CMTM7: variants seen among roughly 807,000 people sequenced by gnomAD.
CMTM7 encodes the protein CKLF-like MARVEL transmembrane domain-containing protein 7.
A neutral mutation model predicts 19.3 loss-of-function variants in CMTM7; 7 were observed. The observed-to-expected ratio is 0.36, with a 90% CI of 0.21 to 0.68. The LOEUF (loss-of-function observed/expected upper bound fraction) is 0.68, where lower values mean the gene tolerates loss of function less well. Among genes scored for constraint, CMTM7 ranks in the 30% least tolerant of loss-of-function variants. The pLI, the probability that CMTM7 is intolerant of heterozygous loss-of-function variation, is 0.60. For synonymous variants in CMTM7, 87 were observed against 99.3 expected, an observed-to-expected ratio of 0.88 and a Z score of 0.74; for missense variants, 193 against 232.6, an observed-to-expected ratio of 0.83 and a Z score of 1.11.
chr3:32,450,648 C>A (rs923631336), intron 3 of CMTM7, among the ~76,000 whole-genome samples: 1 of 152,172 alleles, frequency 6.6e-6, no homozygotes, highest in Non-Finnish European at 1.5e-5. Flanking sequence ...TCTCTGCCCC[C>A]TCTCTCTGCT....
rs145953461 is a variant in CMTM7, at chr3:32,416,769, G to A, written c.159+24704G>A. Among the ~76,000 whole-genome samples, 475 of 151,946 alleles carry A rather than the reference G, an allele frequency of 3.1e-3. 5 individuals carry two copies. The highest frequency in any genetic ancestry group is 0.011 in the African/African-American group (461 of 41,382). On this transcript the variant is annotated intron_variant, in intron 1 of 4. Transcript: ENST00000334983. ...GGTGTAGATGAACTGTGAGTGTTGG[G>A]GGCTGTGGTATTGCTTTAAGGTTTT... is the stretch of plus-strand genomic sequence containing the variant.
intron 1 of CMTM7, 99 bp downstream of exon 1, chr3:32,392,164 C>T (rs906010382): frequency 1.7e-5 from 16 of 936,588 alleles, no homozygotes; most frequent in Non-Finnish European, 2.2e-5. Context: ...CCGGCCGGAG[C>T]CCAGGGAGCA....
At chr3:32,407,796 G>T (rs1358260652) in intron 1 of CMTM7, among the ~76,000 whole-genome samples, 1 of 152,188 alleles carries the variant, frequency 6.6e-6, no homozygotes, top group Admixed American at 6.5e-5. Flanking sequence ...AGTCTACGAG[G>T]TTTGTGATGA....
rs553308992 is a variant in CMTM7, at chr3:32,454,457, C to T, written c.*203C>T. On this transcript the variant is annotated 3_prime_UTR_variant, in exon 5 of 5. Transcript: ENST00000334983. The stretch of plus-strand genomic sequence containing the variant: ...GCCGGAAACTCTTCCTCCAGCCTTC[C>T]GGGGAGAACATCCCTCCCATTCTGG... 20 of 713,150 alleles carry T rather than the reference C, an allele frequency of 2.8e-5. No homozygotes were observed. The highest frequency in any genetic ancestry group is 5.4e-5 in the East Asian group (2 of 37,198). 44.2% of individuals were successfully genotyped at this position (713,150 alleles called of 1,614,324 possible). A position where few individuals can be genotyped will look rare whatever the true frequency, so the allele number is the denominator to read the frequency against.
intron 1 of CMTM7, among the ~76,000 whole-genome samples, chr3:32,434,513 C>T (rs1696567059): frequency 6.6e-6 from 1 of 151,728 alleles, no homozygotes; most frequent in Non-Finnish European, 1.5e-5. Context: ...CTATGTTGCC[C>T]AGGCTGGTCT....
rs1171347129 is a variant in CMTM7 at position 32,455,495 on chromosome 3, C to G, written c.*1241C>G. The G allele has an allele frequency of 6.6e-6, 1 of 152,410 alleles. No homozygotes were observed. Among genetic ancestry groups the G allele is most frequent in the Non-Finnish European group, 1.5e-5 (1 of 68,228 alleles). The allele number at this position is 152,410 out of a possible 1,614,324, so 9.4% of individuals were successfully genotyped here. A position where few individuals can be genotyped will look rare whatever the true frequency, so the allele number is the denominator to read the frequency against. On this transcript the variant is annotated 3_prime_UTR_variant, in exon 5 of 5. Coordinates refer to ENST00000334983, the MANE Select transcript of CMTM7 (RefSeq NM_138410.4). ...GGCTACTCTTGTGGCTGCTGGCCAG[C>G]TCGGGGCATCGGGTTCTGTCTGGGA...
intron 1 of CMTM7, among the ~76,000 whole-genome samples, chr3:32,408,147 G>C (rs1696116106): frequency 6.6e-6 from 1 of 152,216 alleles, no homozygotes. Flanking sequence ...CTCTCCCAGA[G>C]TCTCCGGAGG....
At chr3:32,415,700 C>T (rs1274780707) in intron 1 of CMTM7, among the ~76,000 whole-genome samples, 1 of 152,208 alleles carries the variant, frequency 6.6e-6, no homozygotes, top group East Asian at 1.9e-4. Flanking sequence ...TTATTACCTC[C>T]TTTCAGTAGT....
At chr3:32,416,634 A>C (rs9823298) in intron 1 of CMTM7, among the ~76,000 whole-genome samples, 62,954 of 150,600 alleles carry the variant, frequency 0.42, 13,405 homozygotes, top group South Asian at 0.48. Context: ...TCATGATCCA[A>C]CCGCCTCGGC....
intron 2 of CMTM7, among the ~76,000 whole-genome samples, chr3:32,447,512 T>TGAA (rs1696769227): frequency 6.6e-6 from 1 of 152,246 alleles, no homozygotes; most frequent in Admixed American, 6.5e-5. Flanking sequence ...TATACATTGC[T>TGAA]GAAAGTAGGG....
At chr3:32,397,170 C>G (rs976352962) in intron 1 of CMTM7, among the ~76,000 whole-genome samples, 1 of 152,144 alleles carries the variant, frequency 6.6e-6, no homozygotes, top group Non-Finnish European at 1.5e-5. Context: ...AGAGACTCTT[C>G]AGAAAGCAAG....
intron 1 of CMTM7, among the ~76,000 whole-genome samples, chr3:32,426,451 T>C (rs1696434569): frequency 1.3e-5 from 2 of 152,222 alleles, no homozygotes; most frequent in Admixed American, 6.5e-5. Flanking sequence ...AGAAAAAGCA[T>C]GAAGGGGAAA....
intron 1 of CMTM7, among the ~76,000 whole-genome samples, chr3:32,435,552 G>A (rs1453129548): frequency 6.6e-6 from 1 of 152,186 alleles, no homozygotes; most frequent in Non-Finnish European, 1.5e-5. Context: ...AGGCAATTTT[G>A]CCCCCCAGGG....
chr3:32,421,021 G>T (rs924588110), intron 1 of CMTM7, among the ~76,000 whole-genome samples: 1 of 151,950 alleles, frequency 6.6e-6, no homozygotes, highest in Non-Finnish European at 1.5e-5. Context: ...GTGCAGCCTG[G>T]GTCCCTGGAG....
intron 1 of CMTM7, among the ~76,000 whole-genome samples, chr3:32,400,256 G>T (rs1464167509): frequency 6.6e-6 from 1 of 152,050 alleles, no homozygotes; most frequent in African/African-American, 2.4e-5. Flanking sequence ...CTGACCTCAG[G>T]TGATCCACCT....
chr3:32,426,003 G>A (rs1472288027), intron 1 of CMTM7, among the ~76,000 whole-genome samples: 2 of 152,078 alleles, frequency 1.3e-5, no homozygotes, highest in Non-Finnish European at 2.9e-5. Context: ...AAATTAGCCA[G>A]GCATGGTGGC....
intron 2 of CMTM7, among the ~76,000 whole-genome samples, chr3:32,442,847 C>T (rs1461383636): frequency 6.6e-6 from 1 of 152,144 alleles, no homozygotes; most frequent in East Asian, 1.9e-4. Flanking sequence ...CCAGAGTTGT[C>T]CAACCATTAC....
At position 32,441,895 on chromosome 3, in the gene CMTM7, G is replaced by A; in HGVS notation, c.215G>A (p.Ser72Asn). The A allele has an allele frequency of 6.2e-7, 1 of 1,614,232 alleles. No individual in the cohort carries two copies. The highest frequency in any genetic ancestry group is 8.5e-7 in the Non-Finnish European group (1 of 1,180,038). The change falls in exon 2 of 5, where the codon AGC (serine) becomes AAC (asparagine). Residue 72 changes from serine (S) to asparagine (N), a missense_variant. Coordinates refer to ENST00000334983, the MANE Select transcript of CMTM7 (RefSeq NM_138410.4). ...CVRSSLWTNYSAYSYFEVVTI... is the reference protein window; with the variant it reads ...CVRSSLWTNYNAYSYFEVVTI... Reference sequence around the variant, plus strand: ...CGGAGCTCCCTGTGGACCAACTACAGCGCCTACAGCTACTTTGAAGTGGTC... The same window carrying A: ...CGGAGCTCCCTGTGGACCAACTACAACGCCTACAGCTACTTTGAAGTGGTC...
At chr3:32,446,761 G>C (rs1696759425) in intron 2 of CMTM7, among the ~76,000 whole-genome samples, 1 of 152,102 alleles carries the variant, frequency 6.6e-6, no homozygotes, top group South Asian at 2.1e-4. Flanking sequence ...TTAAAGAGAG[G>C]CTGGCACCTT....
Sources: allele counts gnomAD v4.1 joint callset (sites outside exome capture counted in the v4.1 genomes callset), GRCh38; gene constraint gnomAD v4.1.1; transcripts MANE v1.5; gene names NCBI Gene and HGNC (gene_info 2026-07-23, HGNC 2026-07-21).